The following TPTE2 variants were observed in gnomAD, a reference collection of about 807,000 sequenced individuals.
The protein encoded by TPTE2 is phosphatidylinositol 3,4,5-trisphosphate 3-phosphatase TPTE2.
TPTE2 carries 53 observed loss-of-function variants against 78.6 expected under a neutral mutation model. The observed-to-expected ratio is 0.67, with a 90% CI of 0.54 to 0.85. The LOEUF (loss-of-function observed/expected upper bound fraction) is 0.85. Ranked by LOEUF, TPTE2 falls within the 40% of genes least tolerant of loss-of-function variation. The pLI is 0.00. For missense variants in TPTE2, 461 were observed against 623.0 expected (o/e 0.74, Z 2.77); for synonymous variants, 175 against 206.2 (o/e 0.85, Z 1.30).
chr13:19,480,784 C>A (rs182899450), intron 4 of TPTE2, among the ~76,000 whole-genome samples: 1 of 152,206 alleles, frequency 6.6e-6, no homozygotes, highest in African/African-American at 2.4e-5. Context: ...GATGTTAAAG[C>A]ACATATCAAT....
rs1871137722 is a variant in TPTE2 at position 19,535,223 on chromosome 13, AAATAT to A, written c.-44+1368_-44+1372del. ...TTCTCAAAAAAACAAACAAACAAAA[AAATAT>A]ATATATATATATATTCTTTAGATCC... On this transcript the variant is annotated intron_variant, in intron 1 of 17. Transcript: ENST00000390680. The surrounding 1 kb of genome is among the most constrained non-coding windows in gnomAD (Gnocchi z 5.1). Among the ~76,000 whole-genome samples the A allele has an allele frequency of 1.1e-4, 1 of 8,726 alleles. No homozygotes were observed. Among genetic ancestry groups the A allele is most frequent in the African/African-American group, 1.7e-4 (1 of 6,042 alleles). The allele number at this position is 8,726 out of a possible 152,430, so 5.7% of individuals were successfully genotyped here. A position where few individuals can be genotyped will look rare whatever the true frequency, so the allele number is the denominator to read the frequency against.
chr13:19,535,221 A>AC lies in TPTE2; in HGVS notation c.-44+1374_-44+1375insG, dbSNP rs373041413. On this transcript the variant is annotated intron_variant, in intron 1 of 17. Transcript: ENST00000390680. The surrounding 1 kb of genome is among the most constrained non-coding windows in gnomAD (Gnocchi z 5.1). ...CCTTCTCAAAAAAACAAACAAACAA[A>AC]AAAATATATATATATATATATTCTT... 0.12 allele frequency among the ~76,000 whole-genome samples: 961 copies of AC among 8,048 alleles called. 6 individuals carry two copies. Among genetic ancestry groups the AC allele is most frequent in the South Asian group, 0.15 (7 of 46 alleles). The allele number at this position is 8,048 out of a possible 152,430, so 5.3% of individuals were successfully genotyped here.
chr13:19,467,330 A>C (rs764143240), exon 7 of TPTE2: 4 of 1,560,620 alleles, frequency 2.6e-6, no homozygotes, highest in African/African-American at 2.8e-5. Flanking sequence ...TAAGTCAGAA[A>C]AATACTGCTG....
chr13:19,493,803 CCA>C (rs777036047), intron 1 of TPTE2, among the ~76,000 whole-genome samples: 1 of 152,146 alleles, frequency 6.6e-6, no homozygotes, highest in Non-Finnish European at 1.5e-5. Context: ...AAACTCAACT[CCA>C]GTTTGTAGGT....
chr13:19,558,019 C>T, the TPTE2 span, among the ~76,000 whole-genome samples: 60 of 152,234 alleles, frequency 3.9e-4, no homozygotes, highest in African/African-American at 1.4e-3. Flanking sequence ...AAGAGATTCA[C>T]ATAGTATTTT....
intron 14 of TPTE2, among the ~76,000 whole-genome samples, chr13:19,436,804 T>G (rs1398155737): frequency 6.6e-6 from 1 of 152,146 alleles, no homozygotes; most frequent in Non-Finnish European, 1.5e-5. Context: ...ATTTTAGAGC[T>G]GGAAACACCA....
intron 17 of TPTE2, among the ~76,000 whole-genome samples, chr13:19,430,128 C>T (rs1258200699): frequency 6.6e-6 from 1 of 152,114 alleles, no homozygotes; most frequent in Non-Finnish European, 1.5e-5. Flanking sequence ...GATCAAATGA[C>T]TGAGAAGAAG....
the TPTE2 span, among the ~76,000 whole-genome samples, chr13:19,552,196 A>C: frequency 6.6e-6 from 1 of 152,182 alleles, no homozygotes; most frequent in Admixed American, 6.6e-5. Context: ...AGACTTTAAG[A>C]GTTGTAATGT....
At chr13:19,468,904 A>G (rs1347644560) in intron 6 of TPTE2, among the ~76,000 whole-genome samples, 1 of 152,174 alleles carries the variant, frequency 6.6e-6, no homozygotes, top group Non-Finnish European at 1.5e-5. Context: ...TGAGCTCCTT[A>G]CATATTCTGG....
rs183711980 is a variant in TPTE2, at chr13:19,424,940, T to G, written c.1466+7A>C. The G allele has an allele frequency of 5.8e-5, 85 of 1,468,916 alleles. No homozygotes were observed. In the East Asian group the frequency reaches 1.5e-3, roughly 26 times the overall value. The allele number at this position is 1,468,916 out of a possible 1,614,324, so 91.0% of individuals were successfully genotyped here. On this transcript the variant is annotated splice_region_variant and intron_variant, in intron 19 of 19. Transcript: ENST00000400230. ...GCTGTTTCTATGGGTTTCTATTATA[T>G]TCATACCTGTTATTTTGAATAAAAG...
chr13:19,455,506 T>C lies in TPTE2; in HGVS notation c.742-4281A>G, dbSNP rs142874319. ...TAGCTCTTTCCTTTTGCCATGACCT[T>C]GAAACATACCCATCATATTCATCCA... On this transcript the variant is annotated intron_variant, in intron 10 of 19. Transcript: ENST00000400230. Among the ~76,000 whole-genome samples the C allele has an allele frequency of 4.4e-3, 672 of 152,308 alleles. 8 individuals carry two copies. The highest frequency in any genetic ancestry group is 0.015 in the African/African-American group (634 of 41,572).
At chr13:19,510,089 T>A (rs969296668) in intron 1 of TPTE2, among the ~76,000 whole-genome samples, 4 of 152,178 alleles carry the variant, frequency 2.6e-5, no homozygotes, top group East Asian at 1.9e-4. Context: ...ATGAAGAGAA[T>A]GAAGAACAAC....
intron 13 of TPTE2, among the ~76,000 whole-genome samples, chr13:19,438,831 T>G (rs922975355): frequency 3.9e-5 from 6 of 152,130 alleles, no homozygotes; most frequent in African/African-American, 1.4e-4. Flanking sequence ...GGGAGGACAA[T>G]GCAGGCAAGC....
intron 17 of TPTE2, among the ~76,000 whole-genome samples, chr13:19,428,311 G>A (rs1159684087): frequency 6.6e-6 from 1 of 152,102 alleles, no homozygotes; most frequent in Non-Finnish European, 1.5e-5. Context: ...AGCCAGGTGT[G>A]GTAGCACATG....
chr13:19,473,983 T>C lies in TPTE2; in HGVS notation c.323A>G (p.Tyr108Cys), dbSNP rs1396916947. 6.2e-7 allele frequency: 1 copy of C among 1,608,840 alleles called. No individual in the cohort carries two copies. The highest frequency in any genetic ancestry group is 1.3e-5 in the African/African-American group (1 of 74,192). The change falls in exon 6 of 20, where the codon TAT (tyrosine) becomes TGT (cysteine). Residue 108 changes from tyrosine to cysteine, a missense_variant. Transcript: ENST00000400230. ...GCCAATAGCTAGAGAAATAGAACGA[T>C]ACTCCAAAGGAATATAAAGTTTGCT... is the stretch of plus-strand genomic sequence containing the variant.
chr13:19,512,583 A>AT (rs71092372), intron 1 of TPTE2, among the ~76,000 whole-genome samples: 132,629 of 148,172 alleles, frequency 0.9, 59,728 homozygotes, highest in East Asian at 0.99. Flanking sequence ...CACAGGAAAC[A>AT]TTTTTTTTTT....
the TPTE2 span, among the ~76,000 whole-genome samples, chr13:19,544,285 T>G: frequency 6.6e-6 from 1 of 152,012 alleles, no homozygotes; most frequent in Non-Finnish European, 1.5e-5. Flanking sequence ...TAATGTTATC[T>G]TAGTAACATT....
At chr13:19,465,261 C>T (rs1308497793) in exon 9 of TPTE2, 21 of 1,613,676 alleles carry the variant, frequency 1.3e-5, no homozygotes, top group South Asian at 1.1e-5. Flanking sequence ...AAACCTGTAA[C>T]GTAAGTGAGG....
At chr13:19,560,803 CCCGCCCACCCCGGACGCGGT>C in the TPTE2 span, 1 of 1,491,500 alleles carries the variant, frequency 6.7e-7, no homozygotes, top group Non-Finnish European at 9.1e-7. Flanking sequence ...CGCTTGTACT[CCCGCCCACCCCGGACGCGGT>C]CCAGGCGCGC....
Sources: allele counts gnomAD v4.1 joint callset (sites outside exome capture counted in the v4.1 genomes callset), GRCh38; gene constraint gnomAD v4.1.1; non-coding constraint Gnocchi (gnomAD v3.1); transcripts MANE v1.5; gene names NCBI Gene and HGNC (gene_info 2026-07-23, HGNC 2026-07-21).